Variants in CSGALNACT1 observed in about 807,000 individuals in gnomAD.
The protein encoded by CSGALNACT1 is chondroitin sulfate N-acetylgalactosaminyltransferase 1.
In CSGALNACT1, 52 loss-of-function variants were observed where a neutral mutation model predicts 51.0. The observed-to-expected ratio is 1.02, with a 90% confidence interval of 0.82 to 1.29. The LOEUF (loss-of-function observed/expected upper bound fraction) is 1.29. Among genes scored for constraint, CSGALNACT1 ranks in the 50% most tolerant of loss-of-function variants. The pLI, the probability that CSGALNACT1 is intolerant of heterozygous loss-of-function variation, is 0.00. For synonymous variants in CSGALNACT1, 341 were observed against 254.4 expected (o/e 1.34, Z -3.24); for missense variants, 935 against 679.2 (o/e 1.38, Z -4.19).
chr8:19,458,699 G>A, intron 4 of CSGALNACT1, 57 bp from the exon 4 acceptor site: 1 of 1,492,518 alleles, frequency 6.7e-7, no homozygotes, highest in Non-Finnish European at 9.3e-7. Context: ...GCTGCTGAGT[G>A]TTTTTCAACC....
At chr8:19,547,162 A>C (rs1294517775) in intron 3 of CSGALNACT1, among the ~76,000 whole-genome samples, 1 of 152,170 alleles carries the variant, frequency 6.6e-6, no homozygotes, top group Non-Finnish European at 1.5e-5. Flanking sequence ...ATGCCACAGG[A>C]CAAAGCAAAA....
intron 1 of CSGALNACT1, among the ~76,000 whole-genome samples, chr8:19,716,612 C>CAA (rs60464594): frequency 0.073 from 3,045 of 41,944 alleles, 815 homozygotes; most frequent in African/African-American, 0.11. Context: ...ACCCTCTCTA[C>CAA]AAAAAAAAAA....
At chr8:19,535,559 T>C (rs2083571644) in intron 3 of CSGALNACT1, among the ~76,000 whole-genome samples, 1 of 152,178 alleles carries the variant, frequency 6.6e-6, no homozygotes, top group South Asian at 2.1e-4. Flanking sequence ...CAATAAAACT[T>C]TGAATATTTA....
chr8:19,661,398 G>C (rs759396344), intron 1 of CSGALNACT1, among the ~76,000 whole-genome samples: 1 of 152,110 alleles, frequency 6.6e-6, no homozygotes, highest in Non-Finnish European at 1.5e-5. Context: ...TCTCCTGCAT[G>C]GCACTGACGA....
chr8:19,470,094 A>C (rs2067770015), intron 4 of CSGALNACT1, among the ~76,000 whole-genome samples: 2 of 152,208 alleles, frequency 1.3e-5, no homozygotes, highest in Non-Finnish European at 2.9e-5. Context: ...AATGGATAAT[A>C]CAGATGCAGG....
chr8:19,521,017 A>G (rs1400470421), intron 3 of CSGALNACT1, among the ~76,000 whole-genome samples: 1 of 152,226 alleles, frequency 6.6e-6, no homozygotes, highest in African/African-American at 2.4e-5. Context: ...CTGGAAATGC[A>G]GAATGCCCTT....
In CSGALNACT1 at chr8:19,642,190, TTTTTA is replaced by T. The variant is rs1253132277; in HGVS notation, c.-544+40278_-544+40282del. ...TAGAGACATCTGTGTTTCCCTTTAG[TTTTTA>T]TTTTGTTTGTTTTTGCTGTAGGAAG... On this transcript the variant is annotated intron_variant, in intron 1 of 9. Transcript: ENST00000332246. 3.9e-5 allele frequency among the ~76,000 whole-genome samples: 6 copies of T among 152,332 alleles called. No individual in the cohort carries two copies. The East Asian group carries it at 5.8e-4, about 15-fold the overall frequency.
intron 2 of CSGALNACT1, among the ~76,000 whole-genome samples, chr8:19,599,107 A>T (rs2049648211): frequency 6.6e-6 from 1 of 151,918 alleles, no homozygotes; most frequent in South Asian, 2.1e-4. Context: ...AGACAGGAAC[A>T]GGTGGAGACA....
rs745690948 is a variant in CSGALNACT1 at position 19,439,907 on chromosome 8, C to A, written c.876G>T (p.Gly292=). 47 of 1,613,998 alleles carry A rather than the reference C, an allele frequency of 2.9e-5. No homozygotes were observed. In the Middle Eastern group the frequency reaches 6.6e-4, roughly 23 times the overall value. The change falls in exon 6 of 10, where the codon GGG becomes GGT. Residue 292 remains glycine (G), a synonymous_variant. Coordinates refer to ENST00000454498, the Ensembl canonical transcript of CSGALNACT1. ...AGTAAACAACAGTGAGATGGACTCTCCCATCCTGCTCAATGCACATCTCCC... is the reference window on the plus strand; with the variant it reads ...AGTAAACAACAGTGAGATGGACTCTACCATCCTGCTCAATGCACATCTCCC...
At chr8:19,706,288 G>C (rs1164032707) in intron 1 of CSGALNACT1, among the ~76,000 whole-genome samples, 1 of 152,188 alleles carries the variant, frequency 6.6e-6, no homozygotes, top group African/African-American at 2.4e-5. Flanking sequence ...TGTCCCTGTG[G>C]TTTGTGAACT....
At position 19,541,553 on chromosome 8, in the gene CSGALNACT1, A is replaced by ATTTTTTTTTTTTTTTTTTTTTTTTT. The variant is rs1159626193; in HGVS notation, c.-296-35448_-296-35424dup. 2.4e-4 allele frequency among the ~76,000 whole-genome samples: 17 copies of ATTTTTTTTTTTTTTTTTTTTTTTTT among 70,098 alleles called. 2 individuals are homozygous for ATTTTTTTTTTTTTTTTTTTTTTTTT. The highest frequency in any genetic ancestry group is 1.7e-3 in the East Asian group (4 of 2,298). 46.0% of individuals were successfully genotyped at this position (70,098 alleles called of 152,430 possible). On this transcript the variant is annotated intron_variant, in intron 3 of 9. Transcript: ENST00000454498. ...AGGTGTGAGCCACCGTGCTCAGCCAATTTTTTTTTTTTTTTTTTTTTTTTT... is the reference window on the plus strand; with the variant it reads ...AGGTGTGAGCCACCGTGCTCAGCCAATTTTTTTTTTTTTTTTTTTTTTTTTTTTTTTTTTTTTTTTTTTTTTTTTT...
At chr8:19,405,690 T>G in exon 10 of CSGALNACT1, 1 of 1,527,450 alleles carries the variant, frequency 6.5e-7, no homozygotes, top group African/African-American at 1.4e-5. Context: ...TCTTTTGTCG[T>G]CCTTTATGGA....
At chr8:19,484,471 T>C (rs541464714) in intron 4 of CSGALNACT1, among the ~76,000 whole-genome samples, 37 of 152,172 alleles carry the variant, frequency 2.4e-4, no homozygotes, top group Non-Finnish European at 5.3e-4. Context: ...GCACTCACAG[T>C]TCCACATGGC....
intron 6 of CSGALNACT1, among the ~76,000 whole-genome samples, chr8:19,434,472 A>T (rs2060086460): frequency 6.6e-6 from 1 of 152,212 alleles, no homozygotes; most frequent in Non-Finnish European, 1.5e-5. Flanking sequence ...TTCACCCTTG[A>T]AGACATGCAT....
At chr8:19,422,558 A>G (rs1449458282) in intron 6 of CSGALNACT1, among the ~76,000 whole-genome samples, 1 of 152,190 alleles carries the variant, frequency 6.6e-6, no homozygotes, top group East Asian at 1.9e-4. Context: ...TTCCTCTTTC[A>G]GAACTTTATC....
At chr8:19,558,710 G>A (rs1007283142) in intron 3 of CSGALNACT1, among the ~76,000 whole-genome samples, 3 of 151,996 alleles carry the variant, frequency 2.0e-5, no homozygotes, top group Admixed American at 6.6e-5. Flanking sequence ...AGTGTCATGG[G>A]TTATCCAAGA....
chr8:19,599,911 T>C (rs2050029383), intron 2 of CSGALNACT1, among the ~76,000 whole-genome samples: 1 of 152,218 alleles, frequency 6.6e-6, no homozygotes, highest in African/African-American at 2.4e-5. Flanking sequence ...ACCCAGTGCA[T>C]GCTTGGCAAT....
At chr8:19,427,887 G>A (rs929654659) in intron 6 of CSGALNACT1, among the ~76,000 whole-genome samples, 4 of 152,178 alleles carry the variant, frequency 2.6e-5, no homozygotes, top group Non-Finnish European at 4.4e-5. Context: ...TGTGCACAAG[G>A]CAAGTGAGGA....
rs1564387081 is a variant in CSGALNACT1 at position 19,667,047 on chromosome 8, GAAAGAAAGAAAGA to G, written c.-544+15413_-544+15425del. On this transcript the variant is annotated intron_variant, in intron 1 of 9. Coordinates refer to the CSGALNACT1 transcript ENST00000332246. ...AGGAAGGAAGGAAGGAAGGAAGAAA[GAAAGAAAGAAAGA>G]AAGAAAGAAAGAAAGAAAGAAAGAA... Among the ~76,000 whole-genome samples the G allele has an allele frequency of 7.4e-4, 62 of 83,264 alleles. 4 individuals carry two copies. Among genetic ancestry groups the G allele is most frequent in the South Asian group, 5.2e-3 (13 of 2,516 alleles). The allele number at this position is 83,264 out of a possible 152,430, so 54.6% of individuals were successfully genotyped here. A position where few individuals can be genotyped will look rare whatever the true frequency, so the allele number is the denominator to read the frequency against.
Sources: allele counts gnomAD v4.1 joint callset (sites outside exome capture counted in the v4.1 genomes callset), GRCh38; gene constraint gnomAD v4.1.1; transcripts MANE v1.5; gene names NCBI Gene and HGNC (gene_info 2026-07-23, HGNC 2026-07-21).